The following ABI3BP variants were observed in gnomAD, a reference collection of about 807,000 sequenced individuals.
ABI3BP encodes the protein ABI family member 3 binding protein, also known as target of Nesh-SH3.
In ABI3BP, 216 loss-of-function variants were observed where a neutral mutation model predicts 268.6. The observed-to-expected ratio is 0.80, with a 90% CI of 0.72 to 0.90. The LOEUF is 0.90. Ranked by LOEUF, ABI3BP falls within the 40% of genes least tolerant of loss-of-function variation. The pLI, the probability that ABI3BP is intolerant of heterozygous loss-of-function variation, is 0.00. For synonymous variants in ABI3BP, 730 were observed against 730.0 expected, an observed-to-expected ratio of 1.00 and a Z score of 0.00; for missense variants, 2,090 against 2,182.4, an observed-to-expected ratio of 0.96 and a Z score of 0.84.
At position 100,770,956 on chromosome 3, in the gene ABI3BP, CGAGA is replaced by C; in HGVS notation, c.4532-8_4532-5del. The stretch of plus-strand genomic sequence containing the variant: ...TGGATGTATCGCACATGAGGTCCTA[CGAGA>C]GAGAGGACCCTTGACATTTAACATT... On this transcript the variant is annotated splice_region_variant and splice_polypyrimidine_tract_variant and intron_variant, in intron 61 of 67. Transcript: ENST00000471714. 1 of 1,543,538 alleles carries C rather than the reference CGAGA, an allele frequency of 6.5e-7. No homozygotes were observed. The highest frequency in any genetic ancestry group is 8.8e-7 in the Non-Finnish European group (1 of 1,141,990).
chr3:100,827,830 T>C (rs574263470), intron 34 of ABI3BP, among the ~76,000 whole-genome samples: 13 of 152,268 alleles, frequency 8.5e-5, no homozygotes, highest in Admixed American at 1.3e-4. Flanking sequence ...ATCCAGATTA[T>C]GATGGAGACT....
chr3:100,913,355 C>T (rs2057457045), intron 2 of ABI3BP, among the ~76,000 whole-genome samples: 1 of 152,172 alleles, frequency 6.6e-6, no homozygotes, highest in African/African-American at 2.4e-5. Context: ...TACAGAAAAC[C>T]TGCCCATCCA....
intron 66 of ABI3BP, 192 bp downstream of exon 66, chr3:100,752,595 C>T: frequency 3.8e-6 from 2 of 522,654 alleles, no homozygotes; most frequent in Non-Finnish European, 6.6e-6. Context: ...TATTATTTAC[C>T]TTCTAATAGC....
rs945258585 is a variant in ABI3BP at position 100,864,143 on chromosome 3, A to G, written c.1064-67T>C. The G allele has an allele frequency of 1.7e-5, 17 of 1,006,020 alleles. No individual in the cohort carries two copies. In the East Asian group the frequency reaches 3.9e-4, roughly 23 times the overall value. 62.3% of individuals were successfully genotyped at this position (1,006,020 alleles called of 1,614,324 possible). On this transcript the variant is annotated intron_variant, in intron 11 of 67. Coordinates refer to ENST00000471714, the MANE Select transcript of ABI3BP (RefSeq NM_001375547.2). The stretch of plus-strand genomic sequence containing the variant: ...GTTTTGATGTTGTGGCTTAACCATG[A>G]TCATGCACAGCAAGCTTTGTAACAG...
chr3:100,910,210 GA>G (rs1203161001), intron 2 of ABI3BP, among the ~76,000 whole-genome samples: 18 of 152,106 alleles, frequency 1.2e-4, no homozygotes, highest in Non-Finnish European at 2.1e-4. Flanking sequence ...GGTGAACAAT[GA>G]GAACACATGG....
intron 21 of ABI3BP, 128 bp downstream of exon 21, chr3:100,841,870 A>G: frequency 1.2e-6 from 1 of 811,636 alleles, no homozygotes. Context: ...AGCCTGGGCA[A>G]AAAAACGAGA....
At chr3:100,776,437 C>A (rs912440913) in intron 59 of ABI3BP, among the ~76,000 whole-genome samples, 2 of 152,192 alleles carry the variant, frequency 1.3e-5, no homozygotes, top group Non-Finnish European at 2.9e-5. Context: ...GCTGGCATAG[C>A]ATAGCATTTT....
intron 6 of ABI3BP, among the ~76,000 whole-genome samples, chr3:100,883,843 T>C (rs1581835487): frequency 6.6e-6 from 1 of 152,102 alleles, no homozygotes; most frequent in South Asian, 2.1e-4. Flanking sequence ...TTCATAAACC[T>C]ATCATAAGTG....
Position 100,967,643 on chromosome 3 carries a change from G to C in ABI3BP, c.79+25663C>G, listed in dbSNP as rs569613726. Among the ~76,000 whole-genome samples the C allele has an allele frequency of 3.3e-5, 5 of 152,112 alleles. No individual in the cohort carries two copies. In the South Asian group the frequency reaches 1.0e-3, roughly 32 times the overall value. Reference sequence around the variant, plus strand: ...CAATAAAAATTATTCCAATTTTATGGTGATTTGCTCATGCCTCTTTGTAAT... The same window carrying C: ...CAATAAAAATTATTCCAATTTTATGCTGATTTGCTCATGCCTCTTTGTAAT... On this transcript the variant is annotated intron_variant, in intron 1 of 67. Transcript: ENST00000471714.
At chr3:100,808,082 T>C in intron 50 of ABI3BP, 79 bp downstream of exon 50, 1 of 1,246,816 alleles carries the variant, frequency 8.0e-7, no homozygotes, top group Admixed American at 2.0e-5. Context: ...TCTGCTATCA[T>C]AACTATTAAT....
chr3:100,835,560 A>C, intron 28 of ABI3BP, 41 bp downstream of exon 28: 8 of 1,447,002 alleles, frequency 5.5e-6, no homozygotes, highest in Non-Finnish European at 7.5e-6. Flanking sequence ...CTAGACAATG[A>C]GCAGAAAAAA....
chr3:100,792,846 C>A, intron 54 of ABI3BP, 78 bp from the exon 55 acceptor site: 5 of 1,185,894 alleles, frequency 4.2e-6, no homozygotes, highest in Non-Finnish European at 6.2e-6. Flanking sequence ...ATACTCTTTT[C>A]TGTCCCATGC....
intron 44 of ABI3BP, among the ~76,000 whole-genome samples, chr3:100,814,118 A>G (rs73135515): frequency 0.14 from 21,061 of 152,116 alleles, 1,900 homozygotes; most frequent in South Asian, 0.27. Flanking sequence ...TTGAGTAGCT[A>G]TAACAGAAAC....
At chr3:100,840,276 T>G in intron 22 of ABI3BP, 112 bp from the exon 23 acceptor site, 1 of 799,392 alleles carries the variant, frequency 1.3e-6, no homozygotes, top group Non-Finnish European at 1.9e-6. Context: ...ACTGTGGACA[T>G]GTTTCCATCT....
chr3:100,901,111 G>A (rs1281618292), intron 3 of ABI3BP, among the ~76,000 whole-genome samples: 1 of 152,154 alleles, frequency 6.6e-6, no homozygotes, highest in Non-Finnish European at 1.5e-5. Flanking sequence ...CAAGTGTGTG[G>A]AAAACTGTCT....
At chr3:100,896,655 T>A (rs528786051) in intron 4 of ABI3BP, among the ~76,000 whole-genome samples, 8 of 152,286 alleles carry the variant, frequency 5.3e-5, no homozygotes, top group African/African-American at 1.9e-4. Context: ...TTTATCAAGA[T>A]AATTTTTAAA....
chr3:100,752,172 A>G (rs1448612022), intron 66 of ABI3BP, among the ~76,000 whole-genome samples: 3 of 152,224 alleles, frequency 2.0e-5, no homozygotes, highest in Non-Finnish European at 2.9e-5. Flanking sequence ...AAGTACCTCT[A>G]TGAAATGTTT....
chr3:100,822,749 T>C (rs2098267456), intron 37 of ABI3BP, 77 bp from the exon 38 acceptor site: 1 of 1,248,422 alleles, frequency 8.0e-7, no homozygotes, highest in Non-Finnish European at 1.1e-6. Context: ...TAAAAAAACA[T>C]GACTCTACTG....
At chr3:100,893,365 T>C (rs746819542) in intron 4 of ABI3BP, among the ~76,000 whole-genome samples, 36 of 152,286 alleles carry the variant, frequency 2.4e-4, no homozygotes, top group Middle Eastern at 3.4e-3. Context: ...TGTGAGTCAA[T>C]ACTCCTTAAC....
Sources: allele counts gnomAD v4.1 joint callset (sites outside exome capture counted in the v4.1 genomes callset), GRCh38; gene constraint gnomAD v4.1.1; transcripts MANE v1.5; gene names NCBI Gene and HGNC (gene_info 2026-07-23, HGNC 2026-07-21).